Variants in ARID2 observed in about 807,000 individuals in gnomAD.
The protein encoded by ARID2 is AT-rich interactive domain-containing protein 2.
In ARID2, 32 loss-of-function variants were observed where a neutral mutation model predicts 184.6. The ratio of observed to expected loss-of-function variants is 0.17; its 90% CI spans 0.13 to 0.23. The LOEUF is 0.23. ARID2 is among the 10% of genes least tolerant of loss of function. The pLI is 1.00. For missense variants in ARID2, 1,696 were observed against 2,197.6 expected (o/e 0.77, Z 4.56); for synonymous variants, 836 against 772.6 (o/e 1.08, Z -1.36).
chr12:45,789,882 C>T (rs151317542), intron 3 of ARID2, among the ~76,000 whole-genome samples: 57 of 152,050 alleles, frequency 3.7e-4, no homozygotes, highest in Admixed American at 8.5e-4. Context: ...TTTTGGATGC[C>T]GAGATGGGAG....
At chr12:45,768,521 T>C (rs1404860961) in intron 3 of ARID2, among the ~76,000 whole-genome samples, 2 of 152,170 alleles carry the variant, frequency 1.3e-5, no homozygotes, top group Non-Finnish European at 1.5e-5. Context: ...GGGAGAAGTA[T>C]GCTGTAAGAC....
intron 16 of ARID2, among the ~76,000 whole-genome samples, chr12:45,862,014 A>G (rs1398983322): frequency 1.3e-5 from 2 of 152,198 alleles, no homozygotes; most frequent in Non-Finnish European, 2.9e-5. Context: ...TAGATATTAT[A>G]CTTTATTGTA....
intron 3 of ARID2, among the ~76,000 whole-genome samples, chr12:45,780,591 T>C (rs1164832303): frequency 2.6e-5 from 4 of 152,050 alleles, no homozygotes; most frequent in Non-Finnish European, 5.9e-5. Flanking sequence ...ACATTTACAT[T>C]TTAAAGTAAA....
intron 3 of ARID2, among the ~76,000 whole-genome samples, chr12:45,786,609 C>A (rs188471979): frequency 2.0e-5 from 3 of 152,240 alleles, no homozygotes; most frequent in African/African-American, 7.2e-5. Context: ...AATAGAACTA[C>A]TGTGTGATCC....
rs138743559 is a variant in ARID2, at chr12:45,776,564, T to C, written c.285-34854T>C. ...AAAATCCTGTACTGTGGGAGTATGA[T>C]TGTTTGGTACTGAGGAGCTGCTGAG... On this transcript the variant is annotated intron_variant, in intron 3 of 20. Transcript: ENST00000334344. Among the ~76,000 whole-genome samples the C allele has an allele frequency of 2.2e-4, 33 of 152,332 alleles. No homozygotes were observed. The East Asian group carries it at 3.3e-3, about 15-fold the overall frequency.
At chr12:45,731,407 A>G in intron 3 of ARID2, 93 bp downstream of exon 3, 2 of 825,478 alleles carry the variant, frequency 2.4e-6, no homozygotes, top group Non-Finnish European at 4.1e-6. Flanking sequence ...CTTGCACACC[A>G]AACAGTTCTT....
At chr12:45,855,442 TATGAGA>T (rs1234057222) in intron 15 of ARID2, among the ~76,000 whole-genome samples, 2 of 152,228 alleles carry the variant, frequency 1.3e-5, no homozygotes, top group Non-Finnish European at 2.9e-5. Flanking sequence ...ACATGATGTC[TATGAGA>T]ATGAGAATAA....
chr12:45,759,834 A>T (rs566545004), intron 3 of ARID2, among the ~76,000 whole-genome samples: 1 of 152,314 alleles, frequency 6.6e-6, no homozygotes, highest in South Asian at 2.1e-4. Flanking sequence ...CTGGGACTAC[A>T]GGCATGCAAG....
At chr12:45,763,677 C>CA (rs1941721537) in intron 3 of ARID2, among the ~76,000 whole-genome samples, 2 of 151,658 alleles carry the variant, frequency 1.3e-5, no homozygotes, top group Non-Finnish European at 2.9e-5. Context: ...TTTTTGTAGA[C>CA]ACAGGGCTTT....
rs554537217 is a variant in ARID2, at chr12:45,870,142, T to C, written c.4922+9193T>C. Among the ~76,000 whole-genome samples the C allele has an allele frequency of 4.3e-4, 66 of 151,968 alleles. 1 individual carries two copies. The South Asian group carries it at 8.1e-3, about 19-fold the overall frequency. ...CTGGGACTACAGGCGCCCGCCACCA[T>C]GCCCTGCTAACTTTTTTTGTATTTT... On this transcript the variant is annotated intron_variant, in intron 16 of 20. Coordinates refer to ENST00000334344, the MANE Select transcript of ARID2 (RefSeq NM_152641.4).
chr12:45,768,704 A>G (rs930041957), intron 3 of ARID2, among the ~76,000 whole-genome samples: 1 of 152,148 alleles, frequency 6.6e-6, no homozygotes, highest in Admixed American at 6.5e-5. Context: ...GAACCAGGGA[A>G]ATGAAGAGCT....
chr12:45,866,148 A>C (rs1943828875), intron 16 of ARID2, among the ~76,000 whole-genome samples: 1 of 152,076 alleles, frequency 6.6e-6, no homozygotes, highest in Non-Finnish European at 1.5e-5. Flanking sequence ...AATACTCATT[A>C]ATATGACTAT....
intron 3 of ARID2, among the ~76,000 whole-genome samples, chr12:45,769,612 A>G (rs1292380202): frequency 2.6e-5 from 4 of 152,226 alleles, no homozygotes; most frequent in Admixed American, 6.5e-5. Context: ...AAAGAACAGA[A>G]AATGGAAGAA....
chr12:45,734,467 A>G (rs1408475521), intron 3 of ARID2, among the ~76,000 whole-genome samples: 1 of 152,104 alleles, frequency 6.6e-6, no homozygotes, highest in Non-Finnish European at 1.5e-5. Flanking sequence ...TTTTCTTGGC[A>G]TGTACATCTC....
chr12:45,837,441 C>T (rs2138130984), intron 9 of ARID2, 24 bp downstream of exon 9: 1 of 1,610,046 alleles, frequency 6.2e-7, no homozygotes, highest in Non-Finnish European at 8.5e-7. Flanking sequence ...GAAGTATTTA[C>T]TTTCTAAAGT....
chr12:45,750,104 C>T (rs1033254577), intron 3 of ARID2, among the ~76,000 whole-genome samples: 2 of 152,162 alleles, frequency 1.3e-5, no homozygotes, highest in Admixed American at 6.5e-5. Context: ...CCTCATTAAG[C>T]GTAATCATTT....
intron 5 of ARID2, among the ~76,000 whole-genome samples, 194 bp from the exon 6 acceptor site, chr12:45,821,226 A>G (rs1467048900): frequency 6.6e-6 from 1 of 152,170 alleles, no homozygotes; most frequent in Non-Finnish European, 1.5e-5. Context: ...GTAGGAACAC[A>G]AATTTTCTTT....
At chr12:45,859,491 T>C (rs1244900378) in intron 15 of ARID2, among the ~76,000 whole-genome samples, 2 of 152,262 alleles carry the variant, frequency 1.3e-5, no homozygotes, top group African/African-American at 4.8e-5. Flanking sequence ...TGAACAAGTA[T>C]ATTCAATGTT....
intron 3 of ARID2, among the ~76,000 whole-genome samples, chr12:45,810,189 T>C (rs994823487): frequency 4.6e-5 from 7 of 152,240 alleles, no homozygotes; most frequent in African/African-American, 1.7e-4. Context: ...TATGTTAGAA[T>C]AGTGTTGTGT....
Sources: gnomAD v4.1 joint callset for allele counts (sites outside exome capture counted in the v4.1 genomes callset) on GRCh38, gnomAD v4.1.1 for gene constraint, MANE v1.5 for transcripts, NCBI Gene and HGNC (gene_info 2026-07-23, HGNC 2026-07-21) for gene names.